Variants in CPED1 observed in about 807,000 individuals in gnomAD.
CPED1 encodes the protein cadherin-like and PC-esterase domain-containing protein 1.
Under a neutral mutation model 128.2 loss-of-function variants are expected in CPED1, and 114 were observed. The ratio of observed to expected loss-of-function variants is 0.89; its 90% confidence interval spans 0.76 to 1.04. The LOEUF (loss-of-function observed/expected upper bound fraction) is 1.04. Among genes scored for constraint, CPED1 ranks in the 50% least tolerant of loss-of-function variants. The pLI, the probability that CPED1 is intolerant of heterozygous loss-of-function variation, is 0.00. For missense variants in CPED1, 1,211 were observed against 1,207.1 expected (o/e 1.00, Z -0.05); for synonymous variants, 462 against 426.7 (o/e 1.08, Z -1.02).
In CPED1 at chr7:121,236,574, G is replaced by T. The variant is rs1798259696; in HGVS notation, c.2056-140G>T. The T allele has an allele frequency of 8.6e-6, 4 of 464,200 alleles. No individual in the cohort carries two copies. The Admixed American group carries it at 1.4e-4, about 17-fold the overall frequency. The allele number at this position is 464,200 out of a possible 1,614,324, so 28.8% of individuals were successfully genotyped here. A position where few individuals can be genotyped will look rare whatever the true frequency, so the allele number is the denominator to read the frequency against. On this transcript the variant is annotated intron_variant, in intron 16 of 22. Transcript: ENST00000310396. The stretch of plus-strand genomic sequence containing the variant: ...TTCTAGCACAAACAACTATTGATAA[G>T]CTAGCAGGGGAAAGATAAGGAATAT...
chr7:121,271,360 A>T lies in CPED1; in HGVS notation c.2798A>T (p.Asp933Val). The T allele has an allele frequency of 6.2e-7, 1 of 1,612,714 alleles. No individual in the cohort carries two copies. The highest frequency in any genetic ancestry group is 2.2e-5 in the East Asian group (1 of 44,788). Residue 933 changes from aspartate (D) to valine (V), a missense_variant, in exon 22 of 23, where the codon GAC (aspartate) becomes GTC (valine). By Grantham distance (152) the Asp-to-Val change is radical. Coordinates refer to ENST00000310396, the MANE Select transcript of CPED1 (RefSeq NM_024913.5). ...AAAAAACATGGCTATGAAGTAGTTG[A>T]CACATTCACTATAACAATGGGGCGT... is the stretch of plus-strand genomic sequence containing the variant. ...TAKKHGYEVV[D>V]TFTITMGRYK...
intron 16 of CPED1, among the ~76,000 whole-genome samples, chr7:121,233,538 G>A (rs141340954): frequency 1.3e-5 from 2 of 152,064 alleles, no homozygotes; most frequent in East Asian, 3.9e-4. Flanking sequence ...GACAGAGGAA[G>A]GCTCTGTCTC....
intron 16 of CPED1, among the ~76,000 whole-genome samples, chr7:121,203,481 T>A (rs1264851001): frequency 6.6e-6 from 1 of 152,102 alleles, no homozygotes; most frequent in East Asian, 1.9e-4. Context: ...GATAGACCCG[T>A]CAGCATGGCT....
intron 16 of CPED1, among the ~76,000 whole-genome samples, chr7:121,213,678 T>C (rs1327015983): frequency 6.6e-6 from 1 of 152,056 alleles, no homozygotes; most frequent in Non-Finnish European, 1.5e-5. Flanking sequence ...TAGAATATTA[T>C]TCTATTGTTA....
At chr7:121,230,809 G>T (rs1798119105) in intron 16 of CPED1, among the ~76,000 whole-genome samples, 1 of 152,010 alleles carries the variant, frequency 6.6e-6, no homozygotes, top group Non-Finnish European at 1.5e-5. Context: ...GCCACTCTTG[G>T]CTGTAAGAAA....
In CPED1 at chr7:121,131,943, C is replaced by T. The variant is rs569707641; in HGVS notation, c.1577+1649C>T. The stretch of plus-strand genomic sequence containing the variant: ...TGTTTCTATTCAATGATCATTTTAG[C>T]TTCTATAGTGGGGGTAATGTTTTTT... On this transcript the variant is annotated intron_variant, in intron 12 of 22. Coordinates refer to ENST00000310396, the MANE Select transcript of CPED1 (RefSeq NM_024913.5). Among the ~76,000 whole-genome samples, 356 of 147,708 alleles carry T rather than the reference C, an allele frequency of 2.4e-3. 1 individual carries two copies. Among genetic ancestry groups the T allele is most frequent in the Middle Eastern group, 7.1e-3 (2 of 280 alleles).
rs1757230643 is a variant in CPED1, at chr7:121,296,208, G to C, written c.*556G>C. ...ACTTTTTAAATTTTATTACTGAAAGGAAAAGAACAGGAATGTTCCACAAGG... is the reference window on the plus strand; with the variant it reads ...ACTTTTTAAATTTTATTACTGAAAGCAAAAGAACAGGAATGTTCCACAAGG... On this transcript the variant is annotated 3_prime_UTR_variant, in exon 23 of 23. Coordinates refer to ENST00000310396, the MANE Select transcript of CPED1 (RefSeq NM_024913.5). 1 of 152,448 alleles carries C rather than the reference G, an allele frequency of 6.6e-6. No individual in the cohort carries two copies. Among genetic ancestry groups the C allele is most frequent in the Non-Finnish European group, 1.5e-5 (1 of 68,034 alleles). 9.4% of individuals were successfully genotyped at this position (152,448 alleles called of 1,614,324 possible).
chr7:121,155,829 A>G (rs1392429892), intron 16 of CPED1, among the ~76,000 whole-genome samples: 1 of 152,154 alleles, frequency 6.6e-6, no homozygotes, highest in Non-Finnish European at 1.5e-5. Flanking sequence ...AAAACCCCAG[A>G]CAACCAAAGC....
chr7:121,287,174 A>T (rs1249159501), intron 22 of CPED1, among the ~76,000 whole-genome samples: 1 of 152,144 alleles, frequency 6.6e-6, no homozygotes, highest in Non-Finnish European at 1.5e-5. Flanking sequence ...ACCTAACCAT[A>T]TCACCTGGGA....
intron 5 of CPED1, among the ~76,000 whole-genome samples, chr7:121,086,876 A>T (rs892903408): frequency 2.6e-5 from 4 of 152,192 alleles, no homozygotes; most frequent in African/African-American, 9.7e-5. Flanking sequence ...TGGAAAATTC[A>T]TGCACTTTTG....
chr7:121,032,524 G>A (rs919889063), intron 3 of CPED1, among the ~76,000 whole-genome samples: 3 of 149,804 alleles, frequency 2.0e-5, no homozygotes, highest in African/African-American at 7.4e-5. Flanking sequence ...TCATACCGCG[G>A]GGGGGGCCTG....
chr7:121,295,330 T>G, intron 22 of CPED1, 110 bp from the exon 23 acceptor site: 1 of 1,330,064 alleles, frequency 7.5e-7, no homozygotes, highest in Non-Finnish European at 1.0e-6. Flanking sequence ...AGTCATGCCC[T>G]TTTAGCAACA....
At chr7:121,262,979 T>G (rs760322870) in intron 18 of CPED1, among the ~76,000 whole-genome samples, 7 of 152,088 alleles carry the variant, frequency 4.6e-5, no homozygotes, top group Non-Finnish European at 8.8e-5. Flanking sequence ...TAGTTATACT[T>G]TATTATTTCC....
chr7:121,193,110 A>T (rs1797183326), intron 16 of CPED1, among the ~76,000 whole-genome samples: 1 of 152,182 alleles, frequency 6.6e-6, no homozygotes, highest in Non-Finnish European at 1.5e-5. Context: ...TAATAAGTTG[A>T]CAAAGGGACT....
intron 5 of CPED1, among the ~76,000 whole-genome samples, chr7:121,084,441 A>G (rs1584500167): frequency 6.6e-6 from 1 of 152,282 alleles, no homozygotes; most frequent in East Asian, 1.9e-4. Flanking sequence ...AGATGCTTCC[A>G]CTCATCTGTA....
intron 16 of CPED1, among the ~76,000 whole-genome samples, chr7:121,172,977 A>G (rs1430945700): frequency 1.3e-5 from 2 of 152,278 alleles, no homozygotes; most frequent in South Asian, 2.1e-4. Context: ...CTACTGCCCT[A>G]TGATAGTCAT....
At chr7:121,055,144 G>T (rs867795900) in intron 4 of CPED1, among the ~76,000 whole-genome samples, 3 of 152,248 alleles carry the variant, frequency 2.0e-5, no homozygotes, top group Middle Eastern at 3.4e-3. Context: ...TGGCCATAAT[G>T]AATAACACTT....
At chr7:121,268,951 C>T (rs903634405) in intron 21 of CPED1, among the ~76,000 whole-genome samples, 2 of 151,934 alleles carry the variant, frequency 1.3e-5, no homozygotes, top group Non-Finnish European at 2.9e-5. Flanking sequence ...CAGTCATATA[C>T]TCCTTGGCTG....
At chr7:121,002,079 T>A (rs1791877923) in intron 2 of CPED1, among the ~76,000 whole-genome samples, 1 of 152,164 alleles carries the variant, frequency 6.6e-6, no homozygotes, top group Non-Finnish European at 1.5e-5. Context: ...GCTATACAAA[T>A]GCCAAGTTAT....
Sources: allele counts gnomAD v4.1 joint callset (sites outside exome capture counted in the v4.1 genomes callset), GRCh38; gene constraint gnomAD v4.1.1; transcripts MANE v1.5; gene names NCBI Gene and HGNC (gene_info 2026-07-23, HGNC 2026-07-21).